MAP2K1: variants seen among roughly 807,000 people sequenced by gnomAD.
MAP2K1 encodes the protein mitogen-activated protein kinase kinase 1, also known as dual specificity mitogen-activated protein kinase kinase 1.
A neutral mutation model predicts 46.3 loss-of-function variants in MAP2K1; 16 were observed. The observed-to-expected ratio is 0.35, with a 90% CI of 0.23 to 0.52. The LOEUF is 0.52. Among genes scored for constraint, MAP2K1 ranks in the 20% least tolerant of loss-of-function variants. The probability of loss-of-function intolerance (pLI) is 0.94; values close to 1 mark genes in which losing one functional copy is unlikely to be tolerated. For missense variants in MAP2K1, 263 were observed against 497.1 expected, an observed-to-expected ratio of 0.53 and a Z score of 4.48; for synonymous variants, 183 against 185.6, an observed-to-expected ratio of 0.99 and a Z score of 0.11.
chr15:66,394,597 C>T (rs554550883), intron 1 of MAP2K1, among the ~76,000 whole-genome samples: 20 of 151,642 alleles, frequency 1.3e-4, no homozygotes, highest in South Asian at 6.2e-4. Context: ...CTAGTACTAC[C>T]GGCATGTACC....
At chr15:66,486,521 C>T (rs1389328062) in intron 7 of MAP2K1, among the ~76,000 whole-genome samples, 1 of 152,202 alleles carries the variant, frequency 6.6e-6, no homozygotes, top group Non-Finnish European at 1.5e-5. Flanking sequence ...GAAACTGAGG[C>T]ACAGTGCACT....
At chr15:66,444,970 C>T (rs565897937) in intron 5 of MAP2K1, 3 of 495,640 alleles carry the variant, frequency 6.1e-6, no homozygotes, top group South Asian at 4.3e-5. Flanking sequence ...TCAACCAGCA[C>T]TTAGTTACCC....
intron 5 of MAP2K1, among the ~76,000 whole-genome samples, chr15:66,455,690 T>C (rs1009788723): frequency 2.6e-5 from 4 of 152,186 alleles, no homozygotes; most frequent in Admixed American, 2.6e-4. Context: ...CTAATGTGTC[T>C]GCACCAGGTG....
intron 1 of MAP2K1, among the ~76,000 whole-genome samples, chr15:66,430,684 A>T (rs1336126650): frequency 6.6e-6 from 1 of 152,130 alleles, no homozygotes; most frequent in East Asian, 1.9e-4. Flanking sequence ...TAAAATGAGA[A>T]TTGGATAAGT....
At chr15:66,489,492 G>T (rs575197258) in intron 9 of MAP2K1, 1 of 664,624 alleles carries the variant, frequency 1.5e-6, no homozygotes. Context: ...TGCTCCTTTT[G>T]GTACTTGCTC....
At chr15:66,394,218 G>A (rs922948743) in intron 1 of MAP2K1, among the ~76,000 whole-genome samples, 29 of 152,150 alleles carry the variant, frequency 1.9e-4, no homozygotes, top group African/African-American at 6.8e-4. Context: ...TCACTGCTTG[G>A]CCTTAGTAGC....
Position 66,420,719 on chromosome 15 carries a change from A to ATG in MAP2K1, c.81-14307_81-14306insGT, listed in dbSNP as rs1555414704. Among the ~76,000 whole-genome samples, 58 of 32,730 alleles carry ATG rather than the reference A, an allele frequency of 1.8e-3. 9 individuals are homozygous for ATG. The highest frequency in any genetic ancestry group is 7.0e-3 in the African/African-American group (57 of 8,196). 21.5% of individuals were successfully genotyped at this position (32,730 alleles called of 152,430 possible). The stretch of plus-strand genomic sequence containing the variant: ...ACTTACTCTTGGCATATATATATAT[A>ATG]TATGTGTGTGTGTGTGTGTGTGTGT... On this transcript the variant is annotated intron_variant, in intron 1 of 10. Transcript: ENST00000307102.
intron 1 of MAP2K1, among the ~76,000 whole-genome samples, chr15:66,402,743 C>T (rs530774792): frequency 2.0e-5 from 3 of 152,094 alleles, no homozygotes; most frequent in African/African-American, 7.2e-5. Context: ...TTTGTTAAAT[C>T]CACTTAATCT....
At chr15:66,418,080 G>C (rs771473881) in intron 1 of MAP2K1, among the ~76,000 whole-genome samples, 2 of 152,298 alleles carry the variant, frequency 1.3e-5, no homozygotes, top group Admixed American at 1.3e-4. Flanking sequence ...TGTGGGAGCG[G>C]TCCCAAGCAT....
intron 2 of MAP2K1, among the ~76,000 whole-genome samples, 196 bp downstream of exon 2, chr15:66,435,433 C>T (rs546453676): frequency 6.7e-6 from 1 of 150,298 alleles, no homozygotes; most frequent in Non-Finnish European, 1.5e-5. Flanking sequence ...TCAAACGATT[C>T]TCCTGCCTCA....
intron 1 of MAP2K1, among the ~76,000 whole-genome samples, chr15:66,419,520 CAA>C (rs35659066): frequency 1.4e-5 from 2 of 138,184 alleles, no homozygotes; most frequent in Admixed American, 7.3e-5. Context: ...GACTCCATCT[CAA>C]AAAAAAAAAA....
At chr15:66,426,334 C>G (rs1027094036) in intron 1 of MAP2K1, among the ~76,000 whole-genome samples, 2 of 145,750 alleles carry the variant, frequency 1.4e-5, no homozygotes, top group Non-Finnish European at 3.0e-5. Context: ...AACTTCATAG[C>G]CTTCATGAAA....
At chr15:66,454,324 G>A (rs1000230952) in intron 5 of MAP2K1, among the ~76,000 whole-genome samples, 1 of 152,186 alleles carries the variant, frequency 6.6e-6, no homozygotes, top group East Asian at 1.9e-4. Flanking sequence ...TAAAGTTGAA[G>A]GTTCAAATTG....
intron 5 of MAP2K1, among the ~76,000 whole-genome samples, chr15:66,459,671 T>C (rs548722733): frequency 1.3e-5 from 2 of 151,974 alleles, no homozygotes; most frequent in African/African-American, 4.8e-5. Flanking sequence ...GCTGGGAGTC[T>C]CCAAAGTGTC....
At chr15:66,429,664 G>A (rs1337298017) in intron 1 of MAP2K1, among the ~76,000 whole-genome samples, 1 of 50,276 alleles carries the variant, frequency 2.0e-5, no homozygotes, top group East Asian at 5.0e-4. Context: ...GCACTGCGGC[G>A]CCCCCCCCCC....
At chr15:66,462,496 CAA>C (rs551065737) in intron 5 of MAP2K1, among the ~76,000 whole-genome samples, 19 of 72,886 alleles carry the variant, frequency 2.6e-4, no homozygotes, top group Non-Finnish European at 2.9e-4. Flanking sequence ...GACTCTGTCT[CAA>C]AAAAAAAAAA....
At chr15:66,414,215 T>A (rs1201763375) in intron 1 of MAP2K1, among the ~76,000 whole-genome samples, 2 of 148,994 alleles carry the variant, frequency 1.3e-5, no homozygotes, top group African/African-American at 2.4e-5. Context: ...GCAGACCTCA[T>A]AGGTTAAACA....
intron 1 of MAP2K1, among the ~76,000 whole-genome samples, chr15:66,389,739 T>A (rs2140514912): frequency 6.6e-6 from 1 of 152,144 alleles, no homozygotes; most frequent in Non-Finnish European, 1.5e-5. Context: ...CGTGCCTGGC[T>A]AATTTTTGTA....
chr15:66,462,859 G>A (rs943276589), intron 5 of MAP2K1, among the ~76,000 whole-genome samples: 6 of 152,194 alleles, frequency 3.9e-5, no homozygotes, highest in South Asian at 2.1e-4. Flanking sequence ...CTTAGGGAAC[G>A]TGAGGACCAG....
Sources: allele counts gnomAD v4.1 joint callset (sites outside exome capture counted in the v4.1 genomes callset), GRCh38; gene constraint gnomAD v4.1.1; transcripts MANE v1.5; gene names NCBI Gene and HGNC (gene_info 2026-07-23, HGNC 2026-07-21).